The following CWC22 variants were observed in gnomAD, a reference collection of about 807,000 sequenced individuals.
CWC22 encodes the protein CWC22 spliceosome associated protein.
A neutral mutation model predicts 117.2 loss-of-function variants in CWC22; 53 were observed. The ratio of observed to expected loss-of-function variants is 0.45; its 90% confidence interval spans 0.36 to 0.57. The LOEUF (loss-of-function observed/expected upper bound fraction) is 0.57. Among genes scored for constraint, CWC22 ranks in the 20% least tolerant of loss-of-function variants. The pLI, the probability that CWC22 is intolerant of heterozygous loss-of-function variation, is 0.00. For synonymous variants in CWC22, 360 were observed against 355.6 expected, an observed-to-expected ratio of 1.01 and a Z score of -0.14; for missense variants, 980 against 1,068.8, an observed-to-expected ratio of 0.92 and a Z score of 1.16.
At chr2:179,961,568 G>C (rs1686750708) in intron 13 of CWC22, among the ~76,000 whole-genome samples, 2 of 151,942 alleles carry the variant, frequency 1.3e-5, no homozygotes. Flanking sequence ...ATTTAAAACA[G>C]ATGTGACTTT....
rs1190845480 is a variant in CWC22, at chr2:179,945,676, C to T, written c.2180G>A (p.Ser727Asn). 1 of 1,606,960 alleles carries T rather than the reference C, an allele frequency of 6.2e-7. No homozygotes were observed. Among genetic ancestry groups the T allele is most frequent in the Non-Finnish European group, 8.5e-7 (1 of 1,178,640 alleles). The change falls in exon 20 of 20, where the codon AGT becomes AAT. Residue 727 changes from serine (S) to asparagine (N), a missense_variant. Coordinates refer to ENST00000410053, the MANE Select transcript of CWC22 (RefSeq NM_020943.3). The stretch of plus-strand genomic sequence containing the variant: ...TCTGATCAATTTATCTACCTCTTTA[C>T]TTCTGGTCTTCCCATGTCCCTTCTT... Reference protein sequence around the residue: ...VRKKGHGKTRSKEVDKLIRNQ... With the variant: ...VRKKGHGKTRNKEVDKLIRNQ...
At chr2:179,961,743 A>C (rs1415606946) in intron 13 of CWC22, among the ~76,000 whole-genome samples, 1 of 151,876 alleles carries the variant, frequency 6.6e-6, no homozygotes, top group Non-Finnish European at 1.5e-5. Flanking sequence ...TCCTGTTCTT[A>C]TTTTATTTTG....
chr2:179,993,287 TC>T (rs1458557857), intron 2 of CWC22, 27 bp downstream of exon 2: 1 of 1,492,968 alleles, frequency 6.7e-7, no homozygotes, highest in South Asian at 1.2e-5. Context: ...TAAGTTTACA[TC>T]CTCCATTTTA....
At chr2:179,958,258 G>C (rs953661122) in intron 14 of CWC22, among the ~76,000 whole-genome samples, 5 of 147,504 alleles carry the variant, frequency 3.4e-5, no homozygotes, top group Non-Finnish European at 7.4e-5. Flanking sequence ...TTGAACCTGG[G>C]AGGCAGAGGT....
chr2:179,949,605 A>G (rs1342311208), intron 19 of CWC22, among the ~76,000 whole-genome samples: 1 of 152,180 alleles, frequency 6.6e-6, no homozygotes, highest in Non-Finnish European at 1.5e-5. Context: ...CCACTTGGAA[A>G]ACTGACAGTA....
At chr2:179,986,636 G>T in intron 4 of CWC22, 59 bp downstream of exon 4, 2 of 958,382 alleles carry the variant, frequency 2.1e-6, no homozygotes. Context: ...TACAAATGTA[G>T]CATAAAGAGA....
Position 179,950,499 on chromosome 2 carries a change from T to C in CWC22, c.2140+13A>G, listed in dbSNP as rs376317757. On this transcript the variant is annotated intron_variant, in intron 19 of 19. Transcript: ENST00000410053. ...AGAAAAGAGCAAGCCAAATTACACATAAGCTTCAATACCTGAGGCAGAGCT... is the reference window on the plus strand; with the variant it reads ...AGAAAAGAGCAAGCCAAATTACACACAAGCTTCAATACCTGAGGCAGAGCT... The C allele has an allele frequency of 3.5e-5, 54 of 1,550,638 alleles. No homozygotes were observed. Among genetic ancestry groups the C allele is most frequent in the Non-Finnish European group, 4.6e-5 (52 of 1,130,572 alleles).
chr2:179,964,368 A>G (rs1686833872), intron 13 of CWC22, among the ~76,000 whole-genome samples, 179 bp downstream of exon 13: 1 of 152,212 alleles, frequency 6.6e-6, no homozygotes, highest in Admixed American at 6.5e-5. Flanking sequence ...CAATTTGCCT[A>G]TAAAGCAAAG....
At chr2:179,949,836 T>A (rs1335099757) in intron 19 of CWC22, among the ~76,000 whole-genome samples, 1 of 152,166 alleles carries the variant, frequency 6.6e-6, no homozygotes, top group Non-Finnish European at 1.5e-5. Context: ...TATTACTGAA[T>A]TAACTATAAC....
Position 180,002,367 on chromosome 2 carries a change from C to T in CWC22, c.-114+4500G>A, listed in dbSNP as rs537654516. The stretch of plus-strand genomic sequence containing the variant: ...GGGAAGGTTCCATTTAGGCTAGGGC[C>T]ATAATTGATATTTATATTCAGTGGC... On this transcript the variant is annotated intron_variant, in intron 1 of 19. Coordinates refer to ENST00000410053, the MANE Select transcript of CWC22 (RefSeq NM_020943.3). Among the ~76,000 whole-genome samples the T allele has an allele frequency of 8.5e-5, 13 of 152,238 alleles. No individual in the cohort carries two copies. In the South Asian group the frequency reaches 2.7e-3, roughly 32 times the overall value.
intron 1 of CWC22, among the ~76,000 whole-genome samples, chr2:180,004,358 C>A (rs1273672495): frequency 3.4e-4 from 51 of 152,136 alleles, no homozygotes; most frequent in Non-Finnish European, 2.9e-5. Context: ...AATGTGCAAT[C>A]ACTGGGAAGG....
At chr2:179,956,936 C>G (rs1686610601) in intron 14 of CWC22, among the ~76,000 whole-genome samples, 2 of 151,948 alleles carry the variant, frequency 1.3e-5, no homozygotes, top group African/African-American at 4.8e-5. Flanking sequence ...AAGAGTTATT[C>G]CCTCTAGCTT....
rs1461995769 is a variant in CWC22, at chr2:179,986,810, C to A, written c.96-5G>T. 9.9e-6 allele frequency: 15 copies of A among 1,514,028 alleles called. No individual in the cohort carries two copies. The highest frequency in any genetic ancestry group is 1.3e-5 in the Non-Finnish European group (15 of 1,118,704). 93.8% of individuals were successfully genotyped at this position (1,514,028 alleles called of 1,614,324 possible). On this transcript the variant is annotated splice_region_variant and splice_polypyrimidine_tract_variant and intron_variant, in intron 3 of 19. Coordinates refer to ENST00000410053, the MANE Select transcript of CWC22 (RefSeq NM_020943.3). ...GATCGTTCTTGTTCTTCATATCTAACATAAAATAAGAAAACCAAGTTGCAA... is the reference window on the plus strand; with the variant it reads ...GATCGTTCTTGTTCTTCATATCTAAAATAAAATAAGAAAACCAAGTTGCAA...
chr2:179,993,300 G>A lies in CWC22; in HGVS notation c.27+15C>T, dbSNP rs141030318. 15,012 of 1,548,944 alleles carry A rather than the reference G, an allele frequency of 9.7e-3. 105 individuals are homozygous for A. The highest frequency in any genetic ancestry group is 0.012 in the Non-Finnish European group (13,757 of 1,138,906). On this transcript the variant is annotated intron_variant, in intron 2 of 19. Coordinates refer to ENST00000410053, the MANE Select transcript of CWC22 (RefSeq NM_020943.3). ...TATAAGTTTACATCCTCCATTTTAA[G>A]TTTCAAACACTTACTTTTATCTGTG...
chr2:179,984,185 C>T (rs1238597788), intron 4 of CWC22, among the ~76,000 whole-genome samples: 1 of 152,118 alleles, frequency 6.6e-6, no homozygotes, highest in Non-Finnish European at 1.5e-5. Flanking sequence ...GGAGCCAGAA[C>T]TGAGTTCAAA....
intron 16 of CWC22, 46 bp downstream of exon 16, chr2:179,954,159 A>C: frequency 2.1e-6 from 3 of 1,462,014 alleles, no homozygotes; most frequent in Non-Finnish European, 2.8e-6. Flanking sequence ...TCTATTTGAG[A>C]ACAGGGAATT....
At position 179,981,864 on chromosome 2, in the gene CWC22, C is replaced by A. The variant is rs755360304; in HGVS notation, c.340G>T (p.Ala114Ser). The A allele has an allele frequency of 2.5e-6, 4 of 1,613,078 alleles. No individual in the cohort carries two copies. The highest frequency in any genetic ancestry group is 3.4e-6 in the Non-Finnish European group (4 of 1,179,552). The change falls in exon 5 of 20, where the codon GCT (alanine) becomes TCT (serine). Residue 114 changes from alanine to serine, a missense_variant. Ala to Ser is a moderately conservative substitution (Grantham distance 99). This residue lies in a region of CWC22 where 559 missense variants were observed against 602.3 expected (regional missense o/e 0.93). Transcript: ENST00000410053. The stretch of plus-strand genomic sequence containing the variant: ...AGCTCATCTTTCTTTTTCTTTGTAG[C>A]AGGTTCATCCTGAGCAGAGGAACTC... ...TQSSSAQDEP[A>S]TKKKKDELDP...
chr2:179,979,602 G>T (rs1687237135), intron 5 of CWC22, among the ~76,000 whole-genome samples: 1 of 152,126 alleles, frequency 6.6e-6, no homozygotes, highest in Admixed American at 6.5e-5. Flanking sequence ...TTGTATCACT[G>T]ATATTGTTTA....
chr2:179,999,440 A>C (rs968158851), intron 1 of CWC22, among the ~76,000 whole-genome samples: 11 of 152,216 alleles, frequency 7.2e-5, no homozygotes, highest in Non-Finnish European at 1.5e-4. Context: ...TATTAAAAAA[A>C]AGATAGTTTT....
Sources: allele counts gnomAD v4.1 joint callset (sites outside exome capture counted in the v4.1 genomes callset), GRCh38; gene constraint gnomAD v4.1.1; regional missense constraint gnomAD v4.1.1; transcripts MANE v1.5; gene names NCBI Gene and HGNC (gene_info 2026-07-23, HGNC 2026-07-21).